The following CTNNA3 variants were observed in gnomAD, a reference collection of about 807,000 sequenced individuals.
CTNNA3 encodes the protein catenin alpha 3.
In CTNNA3, 76 loss-of-function variants were observed where a neutral mutation model predicts 95.7. The ratio of observed to expected loss-of-function variants is 0.79; its 90% confidence interval spans 0.66 to 0.96. The LOEUF is 0.96. Ranked by LOEUF, CTNNA3 falls within the 40% of genes least tolerant of loss-of-function variation. The pLI, the probability that CTNNA3 is intolerant of heterozygous loss-of-function variation, is 0.00. For synonymous variants in CTNNA3, 431 were observed against 374.4 expected (o/e 1.15, Z -1.74); for missense variants, 1,191 against 1,089.8 (o/e 1.09, Z -1.31).
intron 13 of CTNNA3, among the ~76,000 whole-genome samples, chr10:66,185,567 T>C (rs2086289844): frequency 1.3e-5 from 2 of 152,046 alleles, no homozygotes; most frequent in African/African-American, 2.4e-5. Context: ...ATTTCAGTAA[T>C]GTATTTTATT....
intron 5 of CTNNA3, among the ~76,000 whole-genome samples, chr10:67,453,063 T>C (rs1040989741): frequency 1.3e-5 from 2 of 152,040 alleles, no homozygotes; most frequent in African/African-American, 4.8e-5. Flanking sequence ...TGTTACCAGA[T>C]AGAGACGGAG....
At chr10:67,514,155 C>T (rs150869463) in intron 5 of CTNNA3, among the ~76,000 whole-genome samples, 1,664 of 152,156 alleles carry the variant, frequency 0.011, 13 homozygotes, top group Non-Finnish European at 0.018. Context: ...AAAAAATTAG[C>T]TGGGCATGGT....
chr10:66,287,791 G>A (rs1177735517), intron 12 of CTNNA3, among the ~76,000 whole-genome samples: 1 of 152,058 alleles, frequency 6.6e-6, no homozygotes, highest in Non-Finnish European at 1.5e-5. Flanking sequence ...CAAGTACACA[G>A]AATATTTAAT....
At chr10:67,346,642 T>G (rs1335535816) in intron 5 of CTNNA3, 4 of 488,184 alleles carry the variant, frequency 8.2e-6, no homozygotes, top group Non-Finnish European at 1.6e-5. Flanking sequence ...AGAGAGAAAC[T>G]TCTAGTTATA....
At chr10:66,109,536 C>T (rs2082038562) in intron 13 of CTNNA3, among the ~76,000 whole-genome samples, 3 of 152,170 alleles carry the variant, frequency 2.0e-5, no homozygotes, top group Non-Finnish European at 4.4e-5. Flanking sequence ...ACTTGAGAAC[C>T]ATTGCTCAAG....
intron 15 of CTNNA3, among the ~76,000 whole-genome samples, chr10:66,051,953 G>C (rs778679107): frequency 6.6e-6 from 1 of 151,954 alleles, no homozygotes; most frequent in Non-Finnish European, 1.5e-5. Flanking sequence ...TAATGTTTTG[G>C]CCCCACAATA....
intron 12 of CTNNA3, among the ~76,000 whole-genome samples, chr10:66,362,914 T>G (rs895692415): frequency 1.3e-5 from 2 of 152,188 alleles, no homozygotes; most frequent in African/African-American, 4.8e-5. Flanking sequence ...TAGATGTTCT[T>G]GATATCTTTT....
chr10:66,473,430 T>C (rs899716141), intron 11 of CTNNA3, among the ~76,000 whole-genome samples: 1 of 152,006 alleles, frequency 6.6e-6, no homozygotes, highest in Non-Finnish European at 1.5e-5. Context: ...GCCATGATTA[T>C]AGTTTTCTGA....
chr10:67,219,507 T>C (rs1050207442), intron 6 of CTNNA3, 100 bp downstream of exon 6: 2 of 1,329,746 alleles, frequency 1.5e-6, no homozygotes, highest in Non-Finnish European at 2.0e-6. Context: ...TTTTTTATTT[T>C]CTCATGCTCT....
intron 5 of CTNNA3, among the ~76,000 whole-genome samples, chr10:67,438,358 G>A (rs955680197): frequency 6.6e-6 from 1 of 152,108 alleles, no homozygotes; most frequent in Non-Finnish European, 1.5e-5. Context: ...CACACAGCAG[G>A]CTCTCTCTAA....
At chr10:66,905,792 A>G (rs1310978077) in intron 7 of CTNNA3, among the ~76,000 whole-genome samples, 2 of 152,212 alleles carry the variant, frequency 1.3e-5, no homozygotes, top group East Asian at 1.9e-4. Context: ...AAAATAGTCA[A>G]ATTCACAGAG....
chr10:66,487,444 G>A (rs1839777764), intron 11 of CTNNA3, among the ~76,000 whole-genome samples: 2 of 151,522 alleles, frequency 1.3e-5, no homozygotes, highest in African/African-American at 4.8e-5. Context: ...CTCGTGATCC[G>A]CCCGTCTCGG....
rs540038605 is a variant in CTNNA3, at chr10:66,355,737, T to C, written c.1732+23415A>G. ...TTTAACTTCCAAGGAAATCAAATTA[T>C]AATTTTTTTATGTCATTACTTGGTG... On this transcript the variant is annotated intron_variant, in intron 12 of 17. Transcript: ENST00000433211. Among the ~76,000 whole-genome samples, 47 of 99,882 alleles carry C rather than the reference T, an allele frequency of 4.7e-4. 1 individual carries two copies. Among genetic ancestry groups the C allele is most frequent in the African/African-American group, 1.2e-3 (43 of 35,920 alleles). 65.5% of individuals were successfully genotyped at this position (99,882 alleles called of 152,430 possible).
chr10:66,927,219 C>T lies in CTNNA3; in HGVS notation c.1048-151695G>A. ...ACCATAACCATATCAGCAATATTGA[C>T]GAAAATGCTTTTAATGGAATACGCA... On this transcript the variant is annotated intron_variant, in intron 7 of 17. Coordinates refer to ENST00000433211, the MANE Select transcript of CTNNA3 (RefSeq NM_013266.4). This position sits in a 1 kb window ranked among gnomAD's most constrained non-coding sequence, Gnocchi z 4.7. 2 of 1,614,112 alleles carry T rather than the reference C, an allele frequency of 1.2e-6. No individual in the cohort carries two copies. Among genetic ancestry groups the T allele is most frequent in the East Asian group, 4.5e-5 (2 of 44,882 alleles).
upstream of CTNNA3, among the ~76,000 whole-genome samples, chr10:67,699,589 T>G (rs1353482102): frequency 6.6e-6 from 1 of 152,180 alleles, no homozygotes; most frequent in Admixed American, 6.5e-5. Flanking sequence ...TATTTGAGGA[T>G]AGACATTTCA....
In CTNNA3 at chr10:65,915,019, T is replaced by C. The variant is rs879701130; in HGVS notation, c.*5311A>G. 8 of 152,266 alleles carry C rather than the reference T, an allele frequency of 5.3e-5. No individual in the cohort carries two copies. The highest frequency in any genetic ancestry group is 3.4e-3 in the Middle Eastern group (1 of 294). The allele number at this position is 152,266 out of a possible 1,614,324, so 9.4% of individuals were successfully genotyped here. A position where few individuals can be genotyped will look rare whatever the true frequency, so the allele number is the denominator to read the frequency against. On this transcript the variant is annotated 3_prime_UTR_variant, in exon 18 of 18. Coordinates refer to ENST00000433211, the MANE Select transcript of CTNNA3 (RefSeq NM_013266.4). The stretch of plus-strand genomic sequence containing the variant: ...TTATTTGGAGGATTGAATAAGATAA[T>C]AGTTAGCATTTAACACAGAGCTGGC...
chr10:66,113,757 A>C lies in CTNNA3; in HGVS notation c.1885-10508T>G, dbSNP rs2082205673. ...ATATCCTTTATTCAACATGCTGAAT[A>C]CAATTTTAGATCACAAATCTCTTAT... On this transcript the variant is annotated intron_variant, in intron 13 of 17. Transcript: ENST00000433211. Among the ~76,000 whole-genome samples the C allele has an allele frequency of 2.0e-5, 3 of 152,346 alleles. No individual in the cohort carries two copies. The South Asian group carries it at 6.2e-4, about 32-fold the overall frequency.
chr10:66,347,685 T>C (rs2092534858), intron 12 of CTNNA3, among the ~76,000 whole-genome samples: 1 of 151,726 alleles, frequency 6.6e-6, no homozygotes, highest in African/African-American at 2.4e-5. Context: ...TAAAAAAAGT[T>C]AACAAATGGA....
intron 9 of CTNNA3, among the ~76,000 whole-genome samples, chr10:66,690,832 G>A (rs982361746): frequency 2.0e-5 from 3 of 152,140 alleles, no homozygotes; most frequent in Non-Finnish European, 2.9e-5. Context: ...CTTTGGGTAT[G>A]TACCCAGTAA....
Sources: allele counts gnomAD v4.1 joint callset (sites outside exome capture counted in the v4.1 genomes callset), GRCh38; gene constraint gnomAD v4.1.1; non-coding constraint Gnocchi (gnomAD v3.1); transcripts MANE v1.5; gene names NCBI Gene and HGNC (gene_info 2026-07-23, HGNC 2026-07-21).